The following SPATS2L variants were observed in gnomAD, a reference collection of about 807,000 sequenced individuals.
SPATS2L encodes the protein spermatogenesis associated serine rich 2 like.
A neutral mutation model predicts 59.6 loss-of-function variants in SPATS2L; 30 were observed. That is an observed-to-expected ratio of 0.50 (90% CI 0.38 to 0.68). The LOEUF is 0.68. Ranked by LOEUF, SPATS2L falls within the 30% of genes least tolerant of loss-of-function variation. The pLI is 0.00. For synonymous variants in SPATS2L, 252 were observed against 263.5 expected (o/e 0.96, Z 0.42); for missense variants, 615 against 700.0 (o/e 0.88, Z 1.37).
intron 6 of SPATS2L, among the ~76,000 whole-genome samples, chr2:200,429,370 A>T (rs1478888259): frequency 3.3e-5 from 5 of 152,218 alleles, no homozygotes; most frequent in Non-Finnish European, 7.3e-5. Flanking sequence ...AAATGAGACA[A>T]TAAAGGAACT....
upstream of SPATS2L, chr2:200,305,933 CATGAATAA>C (rs1306062559): frequency 2.7e-5 from 13 of 487,466 alleles, no homozygotes; most frequent in Non-Finnish European, 3.5e-5. Flanking sequence ...GTGCTTCCAT[CATGAATAA>C]TGATTGAGAA....
At chr2:200,449,336 CTCTTATT>C (rs1200993120) in intron 8 of SPATS2L, among the ~76,000 whole-genome samples, 1 of 152,206 alleles carries the variant, frequency 6.6e-6, no homozygotes, top group Non-Finnish European at 1.5e-5. Flanking sequence ...TAAATAGCAC[CTCTTATT>C]AATAGCCTTC....
At chr2:200,342,444 A>G (rs1291078527) in intron 2 of SPATS2L, among the ~76,000 whole-genome samples, 1 of 152,230 alleles carries the variant, frequency 6.6e-6, no homozygotes, top group Admixed American at 6.5e-5. Context: ...GCTGCTTTAC[A>G]GGGGAGTGAA....
intron 3 of SPATS2L, among the ~76,000 whole-genome samples, chr2:200,409,254 G>A (rs759520616): frequency 3.3e-5 from 5 of 152,172 alleles, no homozygotes; most frequent in Non-Finnish European, 5.9e-5. Context: ...AGGAGCATCC[G>A]TCCTCAGAAG....
chr2:200,429,039 A>G (rs1199928627), intron 6 of SPATS2L, among the ~76,000 whole-genome samples: 1 of 152,134 alleles, frequency 6.6e-6, no homozygotes, highest in Non-Finnish European at 1.5e-5. Context: ...TACGATAAAG[A>G]CAAGAAGACT....
chr2:200,474,433 G>A (rs2087342528), intron 12 of SPATS2L, among the ~76,000 whole-genome samples: 1 of 151,606 alleles, frequency 6.6e-6, no homozygotes, highest in Admixed American at 6.6e-5. Flanking sequence ...CAGCCTGCAG[G>A]GTAGCTGGGA....
intron 2 of SPATS2L, among the ~76,000 whole-genome samples, chr2:200,376,552 G>A (rs1472720172): frequency 2.0e-5 from 3 of 152,208 alleles, no homozygotes; most frequent in Non-Finnish European, 4.4e-5. Context: ...TCTATGTTAT[G>A]ACTGTTTGTT....
At chr2:200,409,684 A>G (rs2082808605) in intron 3 of SPATS2L, among the ~76,000 whole-genome samples, 1 of 152,200 alleles carries the variant, frequency 6.6e-6, no homozygotes, top group East Asian at 1.9e-4. Flanking sequence ...TTTTCTGTAA[A>G]ACTTGGAATA....
chr2:200,311,316 T>C (rs1285788574), intron 1 of SPATS2L, among the ~76,000 whole-genome samples: 1 of 152,226 alleles, frequency 6.6e-6, no homozygotes, highest in African/African-American at 2.4e-5. Flanking sequence ...AATCAGCTTC[T>C]CCATTCATCA....
At chr2:200,343,815 G>A (rs963494418) in intron 2 of SPATS2L, among the ~76,000 whole-genome samples, 2 of 151,986 alleles carry the variant, frequency 1.3e-5, no homozygotes, top group African/African-American at 4.8e-5. Flanking sequence ...TACATTGTTA[G>A]GTAATAAAAT....
At chr2:200,332,786 G>GTGTGTGTA (rs2079992420) in intron 2 of SPATS2L, among the ~76,000 whole-genome samples, 1 of 149,690 alleles carries the variant, frequency 6.7e-6, no homozygotes, top group Non-Finnish European at 1.5e-5. Flanking sequence ...GTGTGTGTGT[G>GTGTGTGTA]TGTGTGTGTA....
At chr2:200,329,225 T>C (rs1244969264) in intron 1 of SPATS2L, among the ~76,000 whole-genome samples, 2 of 152,170 alleles carry the variant, frequency 1.3e-5, no homozygotes, top group African/African-American at 4.8e-5. Context: ...ACTGTTATTA[T>C]CCCCATCTTA....
intron 6 of SPATS2L, among the ~76,000 whole-genome samples, chr2:200,437,273 A>G (rs1559131539): frequency 6.6e-6 from 1 of 152,206 alleles, no homozygotes; most frequent in Non-Finnish European, 1.5e-5. Flanking sequence ...TTAGAGAGGT[A>G]GTGACTTGGA....
intron 9 of SPATS2L, among the ~76,000 whole-genome samples, chr2:200,466,508 T>C (rs1244373923): frequency 6.6e-6 from 1 of 152,248 alleles, no homozygotes; most frequent in East Asian, 1.9e-4. Flanking sequence ...GATAGGCTAC[T>C]ACATCTATTT....
intron 2 of SPATS2L, among the ~76,000 whole-genome samples, chr2:200,341,390 C>T (rs2080320268): frequency 6.6e-6 from 1 of 152,162 alleles, no homozygotes; most frequent in African/African-American, 2.4e-5. Context: ...AATAGTAACA[C>T]TTACCTTACT....
upstream of SPATS2L, chr2:200,306,108 G>T (rs1297465651): frequency 1.0e-6 from 1 of 986,544 alleles, no homozygotes; most frequent in Non-Finnish European, 1.2e-6. Flanking sequence ...GGTTGGTCGG[G>T]TTTCCAAGGG....
rs986626033 is a variant in SPATS2L at position 200,480,280 on chromosome 2, A to C, written c.*2249A>C. 1 of 152,374 alleles carries C rather than the reference A, an allele frequency of 6.6e-6. No individual in the cohort carries two copies. Among genetic ancestry groups the C allele is most frequent in the Non-Finnish European group, 1.5e-5 (1 of 68,174 alleles). The allele number at this position is 152,374 out of a possible 1,614,324, so 9.4% of individuals were successfully genotyped here. ...CAAACACTCCCATGTCACTGAAAAGAAACAAAAGAATGCTAAAAAGTGCTC... is the reference window on the plus strand; with the variant it reads ...CAAACACTCCCATGTCACTGAAAAGCAACAAAAGAATGCTAAAAAGTGCTC... On this transcript the variant is annotated 3_prime_UTR_variant, in exon 13 of 13. Coordinates refer to ENST00000409140, the MANE Select transcript of SPATS2L (RefSeq NM_001100423.2).
intron 1 of SPATS2L, among the ~76,000 whole-genome samples, chr2:200,313,517 C>T (rs962569478): frequency 6.6e-6 from 1 of 152,128 alleles, no homozygotes; most frequent in Non-Finnish European, 1.5e-5. Flanking sequence ...GATGCTAATC[C>T]CTCTTGCTTC....
intron 6 of SPATS2L, among the ~76,000 whole-genome samples, chr2:200,435,474 A>G (rs1183684271): frequency 6.6e-6 from 1 of 152,164 alleles, no homozygotes; most frequent in Admixed American, 6.5e-5. Flanking sequence ...TTTGATGAAT[A>G]TTAGATAAAG....
Sources: allele counts gnomAD v4.1 joint callset (sites outside exome capture counted in the v4.1 genomes callset), GRCh38; gene constraint gnomAD v4.1.1; transcripts MANE v1.5; gene names NCBI Gene and HGNC (gene_info 2026-07-23, HGNC 2026-07-21).